RYR3: variants seen among roughly 807,000 people sequenced by gnomAD.
RYR3 encodes ryanodine receptor 3, also known as brain ryanodine receptor-calcium release channel.
Under a neutral mutation model 584.3 loss-of-function variants are expected in RYR3, and 207 were observed. The ratio of observed to expected loss-of-function variants is 0.35; its 90% CI spans 0.32 to 0.40. The LOEUF is 0.40. Among genes scored for constraint, RYR3 ranks in the 10% least tolerant of loss-of-function variants. RYR3 has a pLI of 1.00. For missense variants in RYR3, 5,616 were observed against 6,089.2 expected (o/e 0.92, Z 2.59); for synonymous variants, 2,416 against 2,248.5 (o/e 1.07, Z -2.11).
chr15:33,736,871 C>G (rs1200660318), intron 49 of RYR3, among the ~76,000 whole-genome samples: 1 of 152,102 alleles, frequency 6.6e-6, no homozygotes, highest in Non-Finnish European at 1.5e-5. Flanking sequence ...GCCTCAGCCT[C>G]CTGAGTAGCT....
intron 1 of RYR3, among the ~76,000 whole-genome samples, chr15:33,419,738 T>C (rs146445150): frequency 1.1e-3 from 172 of 152,218 alleles, no homozygotes; most frequent in Non-Finnish European, 1.5e-3. Context: ...AATTCCATGG[T>C]AGTATGGTAC....
chr15:33,633,781 C>G (rs1489423006), intron 24 of RYR3, among the ~76,000 whole-genome samples: 1 of 152,202 alleles, frequency 6.6e-6, no homozygotes, highest in East Asian at 1.9e-4. Flanking sequence ...CTTAGTCCCT[C>G]CTAAGGAACC....
At chr15:33,562,305 A>G (rs1393094850) in intron 10 of RYR3, among the ~76,000 whole-genome samples, 4 of 152,218 alleles carry the variant, frequency 2.6e-5, no homozygotes, top group Admixed American at 6.5e-5. Flanking sequence ...AAATTACTAC[A>G]TTAGCTTAAG....
At chr15:33,460,380 C>A (rs1237713039) in intron 1 of RYR3, among the ~76,000 whole-genome samples, 1 of 152,214 alleles carries the variant, frequency 6.6e-6, no homozygotes, top group Non-Finnish European at 1.5e-5. Context: ...GCAACTCTTA[C>A]ATTTGGTATG....
rs1387901958 is a variant in RYR3, at chr15:33,623,821, T to C, written c.2372T>C (p.Met791Thr). The change falls in exon 20 of 104, where the codon ATG (methionine) becomes ACG (threonine). Residue 791 changes from methionine to threonine, a missense_variant. Physicochemically the swap from Met to Thr is moderately conservative, Grantham distance 81. This residue lies in a region of RYR3 where 1,284 missense variants were observed against 1,344.6 expected (regional missense o/e 0.95). Transcript: ENST00000634891. The stretch of plus-strand genomic sequence containing the variant: ...TCAAATGACAGAGTACGTTTCCTGA[T>C]GGGTGGACGTCATGGAGAGTTTAAG... The part of the protein sequence containing the change: ...FSAGVKVRFL[M>T]GGRHGEFKFL... 1 of 1,612,370 alleles carries C rather than the reference T, an allele frequency of 6.2e-7. No homozygotes were observed. The highest frequency in any genetic ancestry group is 8.5e-7 in the Non-Finnish European group (1 of 1,178,362).
At chr15:33,425,596 A>G (rs931654915) in intron 1 of RYR3, among the ~76,000 whole-genome samples, 2 of 151,248 alleles carry the variant, frequency 1.3e-5, no homozygotes, top group Non-Finnish European at 2.9e-5. Flanking sequence ...CTGTTTTCTG[A>G]CACCATTTGG....
intron 38 of RYR3, among the ~76,000 whole-genome samples, chr15:33,685,138 G>C (rs1040787547): frequency 5.9e-5 from 9 of 152,168 alleles, no homozygotes; most frequent in African/African-American, 2.2e-4. Flanking sequence ...CCAATTAAAA[G>C]ATCTAGACTG....
At position 33,543,725 on chromosome 15, in the gene RYR3, T is replaced by C. The variant is rs2056018801; in HGVS notation, c.740+10T>C. 1.9e-6 allele frequency: 3 copies of C among 1,544,314 alleles called. No individual in the cohort carries two copies. Among genetic ancestry groups the C allele is most frequent in the Non-Finnish European group, 1.8e-6 (2 of 1,116,548 alleles). On this transcript the variant is annotated intron_variant, in intron 8 of 103. Transcript: ENST00000634891. ...ATGATTCCCAGCACAGGTAAGTCAG[T>C]AGCTGCATTCTTCCACTAGCTGTTT...
Position 33,536,331 on chromosome 15 carries a change from A to G in RYR3, c.433+2942A>G, listed in dbSNP as rs1025460738. Among the ~76,000 whole-genome samples the G allele has an allele frequency of 6.6e-5, 10 of 152,198 alleles. No homozygotes were observed. In the South Asian group the frequency reaches 2.1e-3, roughly 31 times the overall value. ...CATTCTCACACTTAACACAGAATTG[A>G]TGATCATTTTATCCTTGATTTTGGG... On this transcript the variant is annotated intron_variant, in intron 5 of 103. Transcript: ENST00000634891.
At chr15:33,460,937 C>CA (rs2047975378) in intron 1 of RYR3, among the ~76,000 whole-genome samples, 1 of 73,846 alleles carries the variant, frequency 1.4e-5, no homozygotes, top group African/African-American at 7.2e-5. Context: ...ACATAATATC[C>CA]ACCTTTTTTT....
At chr15:33,864,097 T>C in intron 102 of RYR3, 41 bp from the exon 103 acceptor site, 1 of 1,491,260 alleles carries the variant, frequency 6.7e-7, no homozygotes, top group Non-Finnish European at 9.3e-7. Flanking sequence ...TGAACTTGGG[T>C]CTTGACCAGA....
chr15:33,691,093 C>T (rs1402651073), intron 38 of RYR3, among the ~76,000 whole-genome samples: 1 of 152,100 alleles, frequency 6.6e-6, no homozygotes, highest in East Asian at 1.9e-4. Context: ...GGATATTCTT[C>T]TGTAAAACTA....
At chr15:33,548,236 G>T in intron 9 of RYR3, 32 bp downstream of exon 9, 1 of 1,402,348 alleles carries the variant, frequency 7.1e-7, no homozygotes, top group Admixed American at 1.9e-5. Context: ...CCCTTTTCAA[G>T]ATTACTTTCT....
At chr15:33,786,787 C>G (rs1433922310) in intron 66 of RYR3, among the ~76,000 whole-genome samples, 1 of 152,124 alleles carries the variant, frequency 6.6e-6, no homozygotes. Flanking sequence ...AATGGCTAAG[C>G]TAAAGGGAAC....
At chr15:33,818,304 C>A (rs1032470747) in intron 75 of RYR3, among the ~76,000 whole-genome samples, 1 of 152,078 alleles carries the variant, frequency 6.6e-6, no homozygotes, top group Admixed American at 6.5e-5. Flanking sequence ...TTATGGGCAG[C>A]CTTTTGCTTT....
At chr15:33,726,724 G>A (rs28493941) in intron 46 of RYR3, among the ~76,000 whole-genome samples, 1,832 of 152,262 alleles carry the variant, frequency 0.012, 18 homozygotes, top group Non-Finnish European at 0.019. Context: ...ACAATAAATC[G>A]ACTCCTGATT....
chr15:33,393,105 G>A (rs1271216304), intron 1 of RYR3, among the ~76,000 whole-genome samples: 1 of 152,212 alleles, frequency 6.6e-6, no homozygotes. Context: ...TCTATCAAGA[G>A]AGATACTGCC....
At chr15:33,352,156 AT>A (rs886836917) in intron 1 of RYR3, among the ~76,000 whole-genome samples, 2 of 151,914 alleles carry the variant, frequency 1.3e-5, no homozygotes, top group African/African-American at 4.8e-5. Context: ...TTTTTAAATC[AT>A]TTTTTTTAAA....
At chr15:33,385,258 G>C (rs1000011713) in intron 1 of RYR3, among the ~76,000 whole-genome samples, 2 of 152,216 alleles carry the variant, frequency 1.3e-5, no homozygotes, top group African/African-American at 4.8e-5. Flanking sequence ...AATTGAATTA[G>C]AGCCAGATAC....
Sources: allele counts gnomAD v4.1 joint callset (sites outside exome capture counted in the v4.1 genomes callset), GRCh38; gene constraint gnomAD v4.1.1; regional missense constraint gnomAD v4.1.1; transcripts MANE v1.5; gene names NCBI Gene and HGNC (gene_info 2026-07-23, HGNC 2026-07-21).